Variants in DPF3 observed in about 807,000 individuals in gnomAD.
DPF3 encodes the protein double PHD fingers 3.
DPF3 carries 18 observed loss-of-function variants against 56.8 expected under a neutral mutation model. The ratio of observed to expected loss-of-function variants is 0.32; its 90% CI spans 0.22 to 0.47. DPF3 has a LOEUF of 0.47. Among genes scored for constraint, DPF3 ranks in the 20% least tolerant of loss-of-function variants. The probability of loss-of-function intolerance (pLI) is 1.00; values close to 1 mark genes in which losing one functional copy is unlikely to be tolerated. For missense variants in DPF3, 403 were observed against 488.8 expected (o/e 0.82, Z 1.65); for synonymous variants, 188 against 180.2 (o/e 1.04, Z -0.35).
At chr14:72,774,031 T>C in intron 1 of DPF3, 1 of 451,688 alleles carries the variant, frequency 2.2e-6, no homozygotes, top group East Asian at 7.0e-5. Context: ...ATGCCTGTAA[T>C]CCCAGCACTT....
In DPF3 at chr14:72,612,637, G is replaced by A. The variant is rs1267816156; in HGVS notation, c.*6660C>T. The A allele has an allele frequency of 3.9e-6, 2 of 518,696 alleles. No homozygotes were observed. Among genetic ancestry groups the A allele is most frequent in the East Asian group, 1.1e-4 (2 of 18,342 alleles). The allele number at this position is 518,696 out of a possible 1,614,324, so 32.1% of individuals were successfully genotyped here. On this transcript the variant is annotated 3_prime_UTR_variant, in exon 11 of 11. Coordinates refer to ENST00000556509, the MANE Select transcript of DPF3 (RefSeq NM_001280542.3). ...AGGAGAATCAGGGTCTCAGTGGGGA[G>A]TAGACATGGAAGGGCAAACCAAGTC...
intron 1 of DPF3, among the ~76,000 whole-genome samples, chr14:72,870,393 T>C (rs757896245): frequency 1.3e-5 from 2 of 152,196 alleles, no homozygotes; most frequent in Non-Finnish European, 2.9e-5. Flanking sequence ...TAGCCATGAA[T>C]GGAATTGTGG....
intron 2 of DPF3, among the ~76,000 whole-genome samples, chr14:72,757,102 AGAGG>A (rs1275018299): frequency 1.3e-4 from 10 of 74,996 alleles, no homozygotes; most frequent in African/African-American, 3.3e-4. Context: ...AGGAAGGGAG[AGAGG>A]GAGGGAGGGA....
chr14:72,714,292 T>C (rs1888796448), intron 6 of DPF3, 131 bp downstream of exon 6: 1 of 1,148,996 alleles, frequency 8.7e-7, no homozygotes, highest in Admixed American at 2.3e-5. Context: ...GCGAGTAAGC[T>C]GGGGTGCAGA....
At chr14:72,828,128 AG>A (rs1471222048) in intron 1 of DPF3, among the ~76,000 whole-genome samples, 2 of 152,160 alleles carry the variant, frequency 1.3e-5, no homozygotes, top group African/African-American at 4.8e-5. Flanking sequence ...ATGGTAACAA[AG>A]GTTAAACATC....
chr14:72,855,678 C>T (rs1400906291), intron 1 of DPF3, among the ~76,000 whole-genome samples: 2 of 151,992 alleles, frequency 1.3e-5, no homozygotes, highest in East Asian at 3.9e-4. Context: ...TTTAACCAAG[C>T]CAACCTCAGA....
At chr14:72,733,020 C>T (rs891506458) in intron 3 of DPF3, among the ~76,000 whole-genome samples, 4 of 152,080 alleles carry the variant, frequency 2.6e-5, no homozygotes, top group African/African-American at 9.7e-5. Context: ...CAGCCTCAAA[C>T]TTCTGGCCTC....
chr14:72,813,961 T>A (rs995231033), intron 1 of DPF3, among the ~76,000 whole-genome samples: 4 of 152,180 alleles, frequency 2.6e-5, no homozygotes, highest in Admixed American at 2.6e-4. Flanking sequence ...AAAGGCATAC[T>A]TTAATAGAAT....
intron 1 of DPF3, among the ~76,000 whole-genome samples, chr14:72,832,113 A>T: frequency 6.6e-6 from 1 of 152,192 alleles, no homozygotes; most frequent in African/African-American, 2.4e-5. Flanking sequence ...GCTACTCAGT[A>T]GGCTGAAGCA....
chr14:72,759,237 T>A (rs1030319310), intron 2 of DPF3, among the ~76,000 whole-genome samples: 1 of 151,278 alleles, frequency 6.6e-6, no homozygotes, highest in African/African-American at 2.4e-5. Context: ...AACACAGCAA[T>A]AGAAACTATT....
chr14:72,661,412 T>C (rs1886205004), intron 8 of DPF3: 11 of 985,260 alleles, frequency 1.1e-5, no homozygotes, highest in African/African-American at 1.7e-5. Context: ...CAAGGACCTC[T>C]GCTGACCAGA....
Position 72,714,398 on chromosome 14 carries a change from G to T in DPF3, c.604+25C>A, listed in dbSNP as rs572269198. 148 of 1,612,476 alleles carry T rather than the reference G, an allele frequency of 9.2e-5. 2 individuals carry two copies. The South Asian group carries it at 1.6e-3, about 18-fold the overall frequency. On this transcript the variant is annotated intron_variant, in intron 6 of 10. Coordinates refer to ENST00000556509, the MANE Select transcript of DPF3 (RefSeq NM_001280542.3). ...TGGGGGCAGGCGCACAGGGAGGAAGGAAGGTGGGACCGGCCCATACTTACT... is the reference window on the plus strand; with the variant it reads ...TGGGGGCAGGCGCACAGGGAGGAAGTAAGGTGGGACCGGCCCATACTTACT...
Position 72,615,113 on chromosome 14 carries a change from G to A in DPF3, c.*4184C>T, listed in dbSNP as rs980112872. On this transcript the variant is annotated 3_prime_UTR_variant, in exon 11 of 11. Coordinates refer to ENST00000556509, the MANE Select transcript of DPF3 (RefSeq NM_001280542.3). ...TGGGGACCCCCTGAAGAGGGGCTAG[G>A]AGGGGCAGCCGGGGAGTGAGAGAAG... Among the ~76,000 whole-genome samples the A allele has an allele frequency of 4.1e-4, 63 of 152,204 alleles. No homozygotes were observed. The highest frequency in any genetic ancestry group is 1.5e-3 in the African/African-American group (62 of 41,458).
chr14:72,645,792 A>C (rs1885706305), intron 8 of DPF3, among the ~76,000 whole-genome samples: 2 of 149,434 alleles, frequency 1.3e-5, no homozygotes, highest in Admixed American at 6.6e-5. Flanking sequence ...ACGCTCCTAC[A>C]CCCCCCACCC....
chr14:72,652,909 G>A, intron 8 of DPF3, among the ~76,000 whole-genome samples: 1 of 152,170 alleles, frequency 6.6e-6, no homozygotes, highest in East Asian at 1.9e-4. Flanking sequence ...TGGGTAGGGT[G>A]GGAAGAGAGG....
At chr14:72,711,810 G>C (rs896060534) in intron 6 of DPF3, among the ~76,000 whole-genome samples, 5 of 152,126 alleles carry the variant, frequency 3.3e-5, no homozygotes, top group African/African-American at 9.7e-5. Context: ...CATCATGGAA[G>C]AAAGGGCAGC....
chr14:72,754,037 A>G (rs1599411177), intron 2 of DPF3, among the ~76,000 whole-genome samples: 1 of 150,884 alleles, frequency 6.6e-6, no homozygotes, highest in Admixed American at 6.6e-5. Context: ...GCAGGAGGCC[A>G]GGGGCTGGGC....
chr14:72,736,203 T>G (rs765450647), intron 3 of DPF3, among the ~76,000 whole-genome samples: 1 of 152,218 alleles, frequency 6.6e-6, no homozygotes, highest in Non-Finnish European at 1.5e-5. Context: ...AACATTACCA[T>G]TCAACATGAA....
rs1051299405 is a variant in DPF3, at chr14:72,609,493, G to A, written c.*9804C>T. Among the ~76,000 whole-genome samples, 1 of 152,192 alleles carries A rather than the reference G, an allele frequency of 6.6e-6. No homozygotes were observed. The highest frequency in any genetic ancestry group is 2.4e-5 in the African/African-American group (1 of 41,442). On this transcript the variant is annotated 3_prime_UTR_variant, in exon 11 of 11. Transcript: ENST00000556509. Reference sequence around the variant, plus strand: ...ATGTCCCCTTAGGATGGCAGAAGATGTGGCACAGCCTCAATCTCCAACACT... The same window carrying A: ...ATGTCCCCTTAGGATGGCAGAAGATATGGCACAGCCTCAATCTCCAACACT...
Sources: allele counts gnomAD v4.1 joint callset (sites outside exome capture counted in the v4.1 genomes callset), GRCh38; gene constraint gnomAD v4.1.1; transcripts MANE v1.5; gene names NCBI Gene and HGNC (gene_info 2026-07-23, HGNC 2026-07-21).